The following MARCHF4 variants were observed in gnomAD, a reference collection of about 807,000 sequenced individuals.
The protein encoded by MARCHF4 is membrane associated ring-CH-type finger 4.
In MARCHF4, 14 loss-of-function variants were observed where a neutral mutation model predicts 43.9. The observed-to-expected ratio is 0.32, with a 90% confidence interval of 0.21 to 0.50. The LOEUF is 0.50. Among genes scored for constraint, MARCHF4 ranks in the 20% least tolerant of loss-of-function variants. The probability of loss-of-function intolerance (pLI) is 0.98; values close to 1 mark genes in which losing one functional copy is unlikely to be tolerated. For missense variants in MARCHF4, 468 were observed against 536.7 expected (o/e 0.87, Z 1.27); for synonymous variants, 226 against 213.3 (o/e 1.06, Z -0.52).
At chr2:216,336,446 A>C (rs1436988039) in intron 1 of MARCHF4, among the ~76,000 whole-genome samples, 1 of 152,168 alleles carries the variant, frequency 6.6e-6, no homozygotes, top group Non-Finnish European at 1.5e-5. Context: ...CAAAAACCAC[A>C]TGAAAACCTT....
intron 1 of MARCHF4, among the ~76,000 whole-genome samples, chr2:216,352,748 T>C (rs981972910): frequency 6.6e-6 from 1 of 152,170 alleles, no homozygotes; most frequent in African/African-American, 2.4e-5. Flanking sequence ...AGATATCTCA[T>C]CTTGTGAGAA....
At chr2:216,269,138 C>T (rs1184549412) in intron 3 of MARCHF4, among the ~76,000 whole-genome samples, 1 of 152,170 alleles carries the variant, frequency 6.6e-6, no homozygotes, top group African/African-American at 2.4e-5. Flanking sequence ...CCCCTGACCC[C>T]ATATCAATCA....
chr2:216,309,318 C>G (rs967482666), intron 1 of MARCHF4, among the ~76,000 whole-genome samples: 1 of 152,172 alleles, frequency 6.6e-6, no homozygotes, highest in African/African-American at 2.4e-5. Context: ...GGTAGAATTA[C>G]CAGATGGTAT....
chr2:216,327,435 C>G (rs916959198), intron 1 of MARCHF4, among the ~76,000 whole-genome samples: 5 of 152,062 alleles, frequency 3.3e-5, no homozygotes, highest in Non-Finnish European at 7.4e-5. Flanking sequence ...CCTCCCCACC[C>G]CCAGCCAATT....
chr2:216,331,325 C>T (rs1467575381), intron 1 of MARCHF4, among the ~76,000 whole-genome samples: 4 of 151,958 alleles, frequency 2.6e-5, no homozygotes, highest in African/African-American at 4.8e-5. Flanking sequence ...ATCTGAATAG[C>T]TGTATATCTA....
Position 216,370,048 on chromosome 2 carries a change from G to C in MARCHF4, c.213C>G (p.Pro71=), listed in dbSNP as rs745309499. The change falls in exon 1 of 4, where the codon CCC becomes CCG. Residue 71 remains proline (P), a synonymous_variant. Transcript: ENST00000273067. Reference sequence around the variant, plus strand: ...GAAGGGTGTTGTTGGCCGCCAAACCGGGGGGCTGGGGGTCGCCGTGCATGG... The same window carrying C: ...GAAGGGTGTTGTTGGCCGCCAAACCCGGGGGCTGGGGGTCGCCGTGCATGG... The part of the protein sequence containing the change: ...PLPMHGDPQP[P]GLAANNTLPA... 4.5e-6 allele frequency: 7 copies of C among 1,554,256 alleles called. No individual in the cohort carries two copies. The highest frequency in any genetic ancestry group is 1.2e-5 in the South Asian group (1 of 85,220).
chr2:216,336,319 T>G (rs893733704), intron 1 of MARCHF4, among the ~76,000 whole-genome samples: 2 of 152,124 alleles, frequency 1.3e-5, no homozygotes, highest in Non-Finnish European at 2.9e-5. Flanking sequence ...AAATACACTT[T>G]TTGAATATTA....
At chr2:216,346,364 C>T (rs1376103836) in intron 1 of MARCHF4, among the ~76,000 whole-genome samples, 3 of 150,632 alleles carry the variant, frequency 2.0e-5, no homozygotes, top group African/African-American at 7.3e-5. Flanking sequence ...TGTTTTTGTG[C>T]ATATAGTTAA....
At chr2:216,364,654 T>C (rs1692638422) in intron 1 of MARCHF4, among the ~76,000 whole-genome samples, 1 of 152,206 alleles carries the variant, frequency 6.6e-6, no homozygotes, top group Admixed American at 6.5e-5. Context: ...AGGGCAGGGA[T>C]TGGGGCAAGG....
At chr2:216,364,152 T>C (rs1418355374) in intron 1 of MARCHF4, among the ~76,000 whole-genome samples, 1 of 152,190 alleles carries the variant, frequency 6.6e-6, no homozygotes, top group Admixed American at 6.5e-5. Flanking sequence ...TCGAAGGTAC[T>C]GCCCTGTGGA....
At chr2:216,341,012 TC>T (rs1032301762) in intron 1 of MARCHF4, among the ~76,000 whole-genome samples, 1 of 152,090 alleles carries the variant, frequency 6.6e-6, no homozygotes, top group Non-Finnish European at 1.5e-5. Context: ...TGTCAGTCAG[TC>T]CCTCTTCCTC....
At chr2:216,304,645 T>C (rs2105951926) in intron 1 of MARCHF4, among the ~76,000 whole-genome samples, 1 of 152,304 alleles carries the variant, frequency 6.6e-6, no homozygotes, top group Middle Eastern at 3.4e-3. Flanking sequence ...CATTTTTGTT[T>C]TTGCTCTATA....
intron 1 of MARCHF4, among the ~76,000 whole-genome samples, chr2:216,357,540 C>G (rs568931818): frequency 1.9e-4 from 29 of 152,336 alleles, no homozygotes; most frequent in African/African-American, 6.7e-4. Context: ...AGTCTGGTCA[C>G]AAACTCCTGG....
chr2:216,371,975 C>A lies in MARCHF4; in HGVS notation c.-1715G>T, dbSNP rs1011885694. The A allele has an allele frequency of 4.0e-5, 6 of 151,216 alleles. No homozygotes were observed. Among genetic ancestry groups the A allele is most frequent in the Admixed American group, 2.6e-4 (4 of 15,226 alleles). 9.4% of individuals were successfully genotyped at this position (151,216 alleles called of 1,614,324 possible). ...GATGCAACGAGGTAAGGCTTGTTTG[C>A]GGTGCCAGCTGAAGGTGGGGAGGGG... On this transcript the variant is annotated 5_prime_UTR_variant, in exon 1 of 4. Coordinates refer to ENST00000273067, the MANE Select transcript of MARCHF4 (RefSeq NM_020814.3).
chr2:216,319,783 G>T (rs1490182217), intron 1 of MARCHF4, among the ~76,000 whole-genome samples: 1 of 152,130 alleles, frequency 6.6e-6, no homozygotes, highest in Non-Finnish European at 1.5e-5. Context: ...TACATCCCCA[G>T]CCCGTCACTC....
In MARCHF4 at chr2:216,316,584, G is replaced by T. The variant is rs552145705; in HGVS notation, c.517-32855C>A. 1.6e-4 allele frequency among the ~76,000 whole-genome samples: 25 copies of T among 152,202 alleles called. No homozygotes were observed. The South Asian group carries it at 3.3e-3, about 20-fold the overall frequency. The stretch of plus-strand genomic sequence containing the variant: ...GGCGGGAGAGGGGTGCGGGGACAGG[G>T]TCAGAAGAACTGAGGCACAAAAAAA... On this transcript the variant is annotated intron_variant, in intron 1 of 3. Transcript: ENST00000273067.
intron 1 of MARCHF4, among the ~76,000 whole-genome samples, chr2:216,302,375 C>T (rs939975841): frequency 4.3e-5 from 6 of 139,786 alleles, no homozygotes; most frequent in East Asian, 2.1e-4. Flanking sequence ...CCTGCCACCA[C>T]GCCCATCTAA....
intron 1 of MARCHF4, among the ~76,000 whole-genome samples, chr2:216,366,692 C>T (rs1692671286): frequency 6.6e-6 from 1 of 152,166 alleles, no homozygotes; most frequent in Non-Finnish European, 1.5e-5. Flanking sequence ...TTCCTGATTA[C>T]CCTATCTAAT....
At position 216,371,038 on chromosome 2, in the gene MARCHF4, C is replaced by T. The variant is rs949466801; in HGVS notation, c.-778G>A. On this transcript the variant is annotated 5_prime_UTR_variant, in exon 1 of 4. Coordinates refer to ENST00000273067, the MANE Select transcript of MARCHF4 (RefSeq NM_020814.3). Reference sequence around the variant, plus strand: ...TGCCTCCGCAGCCAAAGGGTTACACCGAAGAGGGGAAAGCCAATTAGGAGA... The same window carrying T: ...TGCCTCCGCAGCCAAAGGGTTACACTGAAGAGGGGAAAGCCAATTAGGAGA... 6.6e-6 allele frequency: 1 copy of T among 151,214 alleles called. No homozygotes were observed. Among genetic ancestry groups the T allele is most frequent in the Admixed American group, 6.6e-5 (1 of 15,186 alleles). 9.4% of individuals were successfully genotyped at this position (151,214 alleles called of 1,614,324 possible). A position where few individuals can be genotyped will look rare whatever the true frequency, so the allele number is the denominator to read the frequency against.
Sources: allele counts gnomAD v4.1 joint callset (sites outside exome capture counted in the v4.1 genomes callset), GRCh38; gene constraint gnomAD v4.1.1; transcripts MANE v1.5; gene names NCBI Gene and HGNC (gene_info 2026-07-23, HGNC 2026-07-21).